ADAMTS19: variants seen among roughly 807,000 people sequenced by gnomAD.
The protein encoded by ADAMTS19 is A disintegrin and metalloproteinase with thrombospondin motifs 19.
ADAMTS19 carries 93 observed loss-of-function variants against 153.3 expected under a neutral mutation model. That is an observed-to-expected ratio of 0.61 (90% CI 0.51 to 0.72). The LOEUF (loss-of-function observed/expected upper bound fraction) is 0.72. Ranked by LOEUF, ADAMTS19 falls within the 30% of genes least tolerant of loss-of-function variation. The pLI, the probability that ADAMTS19 is intolerant of heterozygous loss-of-function variation, is 0.00. For missense variants in ADAMTS19, 1,482 were observed against 1,552.1 expected, an observed-to-expected ratio of 0.95 and a Z score of 0.76; for synonymous variants, 600 against 556.6, an observed-to-expected ratio of 1.08 and a Z score of -1.10.
At chr5:129,621,656 C>T (rs529443642) in intron 9 of ADAMTS19, among the ~76,000 whole-genome samples, 2 of 152,186 alleles carry the variant, frequency 1.3e-5, no homozygotes, top group Non-Finnish European at 2.9e-5. Context: ...TCCTAAGGAA[C>T]ATGCATGATT....
chr5:129,713,817 GCTGGGGGTT>G (rs935888461), intron 21 of ADAMTS19, among the ~76,000 whole-genome samples: 6 of 137,276 alleles, frequency 4.4e-5, no homozygotes, highest in Admixed American at 3.7e-4. Context: ...TGGGCCCTGA[GCTGGGGGTT>G]CTGGCCTTGA....
intron 6 of ADAMTS19, 137 bp downstream of exon 6, chr5:129,528,814 A>G: frequency 3.3e-6 from 2 of 613,744 alleles, no homozygotes; most frequent in Non-Finnish European, 5.2e-6. Flanking sequence ...GATGTTAGTC[A>G]TCTCCCTCAA....
chr5:129,733,833 G>C (rs955518819), intron 21 of ADAMTS19, among the ~76,000 whole-genome samples: 1 of 151,742 alleles, frequency 6.6e-6, no homozygotes. Flanking sequence ...CAAAATCCTT[G>C]TATCAAAAAG....
chr5:129,490,849 C>T (rs911813360), intron 2 of ADAMTS19, among the ~76,000 whole-genome samples: 6 of 151,790 alleles, frequency 4.0e-5, no homozygotes, highest in Non-Finnish European at 7.4e-5. Context: ...GGTTGTTTTT[C>T]GATTTTTTTT....
chr5:129,526,824 T>A (rs1409165279), intron 4 of ADAMTS19, among the ~76,000 whole-genome samples: 1 of 151,804 alleles, frequency 6.6e-6, no homozygotes, highest in African/African-American at 2.4e-5. Flanking sequence ...ATTTTTTTGG[T>A]ACATAGTAGA....
intron 2 of ADAMTS19, among the ~76,000 whole-genome samples, chr5:129,506,437 G>GT (rs111482528): frequency 0.055 from 8,131 of 148,500 alleles, 320 homozygotes; most frequent in African/African-American, 0.1. Context: ...TAGCTTTCTT[G>GT]TTTTTTTTTT....
chr5:129,642,584 A>T (rs988146377), intron 11 of ADAMTS19, among the ~76,000 whole-genome samples: 1 of 152,232 alleles, frequency 6.6e-6, no homozygotes, highest in Non-Finnish European at 1.5e-5. Flanking sequence ...TGGTTAACAT[A>T]ATCAAAAGAT....
intron 7 of ADAMTS19, among the ~76,000 whole-genome samples, chr5:129,571,797 G>A (rs1378186986): frequency 2.6e-5 from 4 of 151,672 alleles, no homozygotes; most frequent in Non-Finnish European, 4.4e-5. Flanking sequence ...TACTGTCAGC[G>A]AAAGAAAACA....
chr5:129,509,265 G>A lies in ADAMTS19; in HGVS notation c.913+23G>A, dbSNP rs1311710587. ...CAGGTAAATGCCTTCTCCTGAAAGA[G>A]TTTTAAGTAAATATTCAATGTGAGA... On this transcript the variant is annotated intron_variant, in intron 3 of 22. Coordinates refer to ENST00000274487, the MANE Select transcript of ADAMTS19 (RefSeq NM_133638.6). 3 of 1,597,044 alleles carry A rather than the reference G, an allele frequency of 1.9e-6. No homozygotes were observed. In the African/African-American group the frequency reaches 4.0e-5, roughly 22 times the overall value.
chr5:129,522,677 A>AGTG (rs1751865242), intron 3 of ADAMTS19, among the ~76,000 whole-genome samples: 1 of 151,984 alleles, frequency 6.6e-6, no homozygotes, highest in African/African-American at 2.4e-5. Flanking sequence ...TTCCAGCAAC[A>AGTG]GTGGTGGGAT....
At chr5:129,610,186 A>G (rs1408698435) in intron 8 of ADAMTS19, among the ~76,000 whole-genome samples, 2 of 152,004 alleles carry the variant, frequency 1.3e-5, no homozygotes, top group African/African-American at 4.8e-5. Flanking sequence ...AGGGTGTAGA[A>G]GTTAAAGATA....
At position 129,486,096 on chromosome 5, in the gene ADAMTS19, T is replaced by C. The variant is rs143306963; in HGVS notation, c.748-22981T>C. Among the ~76,000 whole-genome samples, 1,467 of 152,246 alleles carry C rather than the reference T, an allele frequency of 9.6e-3. 21 individuals carry two copies. Among genetic ancestry groups the C allele is most frequent in the African/African-American group, 0.031 (1,284 of 41,556 alleles). On this transcript the variant is annotated intron_variant, in intron 2 of 22. Coordinates refer to ENST00000274487, the MANE Select transcript of ADAMTS19 (RefSeq NM_133638.6). ...GTAAGCCACCGCGCCTGGCCTATAA[T>C]TGAATTTCTAATTAAAATTTCTCCC... is the stretch of plus-strand genomic sequence containing the variant.
intron 6 of ADAMTS19, among the ~76,000 whole-genome samples, chr5:129,534,287 G>A (rs1752326072): frequency 6.6e-6 from 1 of 151,752 alleles, no homozygotes; most frequent in Non-Finnish European, 1.5e-5. Context: ...TCCTGTATTG[G>A]GTAAACACCT....
intron 8 of ADAMTS19, among the ~76,000 whole-genome samples, chr5:129,614,962 A>T (rs1751436351): frequency 6.6e-6 from 1 of 152,208 alleles, no homozygotes; most frequent in Non-Finnish European, 1.5e-5. Flanking sequence ...TGAAATACCT[A>T]GGAATCCAAC....
At chr5:129,624,608 T>C (rs1751939438) in intron 10 of ADAMTS19, among the ~76,000 whole-genome samples, 1 of 152,188 alleles carries the variant, frequency 6.6e-6, no homozygotes, top group African/African-American at 2.4e-5. Flanking sequence ...AAAATGTTCA[T>C]ATTTTATAAA....
chr5:129,486,927 G>A (rs1750616066), intron 2 of ADAMTS19, among the ~76,000 whole-genome samples: 1 of 152,114 alleles, frequency 6.6e-6, no homozygotes, highest in Non-Finnish European at 1.5e-5. Context: ...ATGCAATGCC[G>A]GTTCATCAGA....
At chr5:129,579,707 G>C (rs1332669928) in intron 7 of ADAMTS19, among the ~76,000 whole-genome samples, 3 of 152,076 alleles carry the variant, frequency 2.0e-5, no homozygotes, top group Admixed American at 1.3e-4. Context: ...TTTCCCCATT[G>C]CTTGTTTTTG....
chr5:129,578,940 C>A lies in ADAMTS19; in HGVS notation c.1373-17619C>A, dbSNP rs146360983. The stretch of plus-strand genomic sequence containing the variant: ...TCTTTATAGTAGAATGATTTATAAT[C>A]CTTTGGGTATATACCCAGTAATGGG... On this transcript the variant is annotated intron_variant, in intron 7 of 22. Coordinates refer to ENST00000274487, the MANE Select transcript of ADAMTS19 (RefSeq NM_133638.6). Among the ~76,000 whole-genome samples the A allele has an allele frequency of 6.0e-3, 909 of 152,192 alleles. 9 individuals are homozygous for A. The highest frequency in any genetic ancestry group is 0.02 in the African/African-American group (841 of 41,508).
intron 8 of ADAMTS19, among the ~76,000 whole-genome samples, chr5:129,618,052 A>G (rs2126970846): frequency 6.6e-6 from 1 of 152,174 alleles, no homozygotes; most frequent in East Asian, 1.9e-4. Context: ...TATTTAACAA[A>G]TAAGGCAACT....
Sources: gnomAD v4.1 joint callset for allele counts (sites outside exome capture counted in the v4.1 genomes callset) on GRCh38, gnomAD v4.1.1 for gene constraint, MANE v1.5 for transcripts, NCBI Gene and HGNC (gene_info 2026-07-23, HGNC 2026-07-21) for gene names.